The following SCAPER variants were observed in gnomAD, a reference collection of about 807,000 sequenced individuals.
SCAPER encodes S-phase cyclin A associated protein in the ER.
In SCAPER, 98 loss-of-function variants were observed where a neutral mutation model predicts 182.2. That is an observed-to-expected ratio of 0.54 (90% CI 0.46 to 0.64). The LOEUF (loss-of-function observed/expected upper bound fraction) is 0.64. Ranked by LOEUF, SCAPER falls within the 30% of genes least tolerant of loss-of-function variation. SCAPER has a pLI of 0.00. For missense variants in SCAPER, 1,432 were observed against 1,690.0 expected (o/e 0.85, Z 2.68); for synonymous variants, 605 against 564.6 (o/e 1.07, Z -1.01).
At chr15:76,423,954 T>C (rs1207603252) in intron 26 of SCAPER, among the ~76,000 whole-genome samples, 2 of 152,238 alleles carry the variant, frequency 1.3e-5, no homozygotes, top group Admixed American at 6.5e-5. Flanking sequence ...TAATCCTGAG[T>C]TCTAGTTTGA....
chr15:76,634,287 CA>C (rs1021739204), intron 21 of SCAPER, among the ~76,000 whole-genome samples: 2 of 152,188 alleles, frequency 1.3e-5, no homozygotes, highest in African/African-American at 4.8e-5. Context: ...TGCTTTTCCC[CA>C]CTCTCCATGG....
chr15:76,734,121 A>C (rs373865601), intron 15 of SCAPER, among the ~76,000 whole-genome samples: 11 of 152,236 alleles, frequency 7.2e-5, no homozygotes, highest in African/African-American at 2.2e-4. Context: ...AATAAACAAC[A>C]AATTACTTTT....
chr15:76,875,314 GA>G (rs1222648347), intron 2 of SCAPER, among the ~76,000 whole-genome samples: 1 of 152,180 alleles, frequency 6.6e-6, no homozygotes, highest in African/African-American at 2.4e-5. Context: ...TAAGAGAAAA[GA>G]TGTGAAAATC....
At chr15:76,720,393 G>A (rs550631325) in intron 17 of SCAPER, among the ~76,000 whole-genome samples, 3 of 152,252 alleles carry the variant, frequency 2.0e-5, no homozygotes, top group South Asian at 4.2e-4. Context: ...AAACATACAT[G>A]TGAATGTGTC....
At chr15:76,489,196 T>C (rs1429845791) in intron 24 of SCAPER, among the ~76,000 whole-genome samples, 1 of 136,242 alleles carries the variant, frequency 7.3e-6, no homozygotes, top group Non-Finnish European at 1.6e-5. Context: ...GCATGAGAGG[T>C]TGGTGCAAAA....
rs141091706 is a variant in SCAPER, at chr15:76,811,103, A to G, written c.394-6470T>C. On this transcript the variant is annotated intron_variant, in intron 5 of 31. Transcript: ENST00000563290. ...TAGAAGACTGCAATGTCTCACTTTC[A>G]ATAATAGATAGAATTTACAAAAAAA... 3.0e-3 allele frequency among the ~76,000 whole-genome samples: 441 copies of G among 148,652 alleles called. 5 individuals are homozygous for G. The highest frequency in any genetic ancestry group is 0.01 in the African/African-American group (421 of 40,300).
intron 24 of SCAPER, among the ~76,000 whole-genome samples, chr15:76,486,209 AAAAC>A (rs757467084): frequency 9.2e-5 from 14 of 152,106 alleles, no homozygotes; most frequent in Non-Finnish European, 1.6e-4. Flanking sequence ...TCTGTCTCAA[AAAAC>A]AAACAAACAA....
At chr15:76,537,365 C>G (rs1256030351) in intron 23 of SCAPER, among the ~76,000 whole-genome samples, 1 of 152,126 alleles carries the variant, frequency 6.6e-6, no homozygotes, top group Non-Finnish European at 1.5e-5. Flanking sequence ...GGTACCAAAA[C>G]AGAGATACAG....
chr15:76,631,429 G>C (rs559703584), intron 21 of SCAPER, among the ~76,000 whole-genome samples: 1 of 152,158 alleles, frequency 6.6e-6, no homozygotes, highest in Non-Finnish European at 1.5e-5. Flanking sequence ...GGCTGGTAAC[G>C]TTCTTTCCTT....
intron 21 of SCAPER, among the ~76,000 whole-genome samples, chr15:76,626,122 G>A (rs1247027067): frequency 1.3e-5 from 2 of 151,998 alleles, no homozygotes; most frequent in Non-Finnish European, 2.9e-5. Context: ...CTTGCTTTAG[G>A]TGTCTCCTGT....
chr15:76,814,628 T>C (rs3106379), intron 5 of SCAPER, among the ~76,000 whole-genome samples: 147,638 of 152,270 alleles, frequency 0.97, 71,720 homozygotes, highest in South Asian at 1. Flanking sequence ...GCATTAAAGA[T>C]GTAAACATGA....
intron 24 of SCAPER, among the ~76,000 whole-genome samples, chr15:76,487,250 G>A (rs1381348600): frequency 4.0e-5 from 6 of 151,486 alleles, no homozygotes; most frequent in Non-Finnish European, 5.9e-5. Context: ...TTAATACCTG[G>A]GTGATGAAAT....
intron 8 of SCAPER, among the ~76,000 whole-genome samples, chr15:76,780,242 G>A (rs144231837): frequency 1.6e-4 from 25 of 152,372 alleles, no homozygotes; most frequent in African/African-American, 6.0e-4. Context: ...GCCTGGCTCA[G>A]CAGGTCTCAC....
chr15:76,780,144 T>A (rs750795201), intron 8 of SCAPER, among the ~76,000 whole-genome samples: 3 of 152,226 alleles, frequency 2.0e-5, no homozygotes, highest in Non-Finnish European at 4.4e-5. Flanking sequence ...CGTGACAGAC[T>A]GTACCTGGAA....
At chr15:76,481,785 C>T (rs2051163442) in intron 24 of SCAPER, among the ~76,000 whole-genome samples, 1 of 152,214 alleles carries the variant, frequency 6.6e-6, no homozygotes, top group Non-Finnish European at 1.5e-5. Context: ...CAGCACTGTG[C>T]CTCCATGGTT....
At position 76,537,697 on chromosome 15, in the gene SCAPER, C is replaced by T. The variant is rs192100071; in HGVS notation, c.2839-32723G>A. 9.6e-3 allele frequency among the ~76,000 whole-genome samples: 1,463 copies of T among 151,912 alleles called. 18 individuals carry two copies. Among genetic ancestry groups the T allele is most frequent in the Non-Finnish European group, 0.016 (1,101 of 67,874 alleles). On this transcript the variant is annotated intron_variant, in intron 23 of 31. Coordinates refer to ENST00000563290, the MANE Select transcript of SCAPER (RefSeq NM_020843.4). Reference sequence around the variant, plus strand: ...TCTAAAACACCAAAAGCAATGGCAACGAAAGCCAAAATTGACAAATGGGAT... The same window carrying T: ...TCTAAAACACCAAAAGCAATGGCAATGAAAGCCAAAATTGACAAATGGGAT...
intron 29 of SCAPER, among the ~76,000 whole-genome samples, chr15:76,375,215 CAAA>C (rs35499483): frequency 1.8e-5 from 1 of 56,926 alleles, no homozygotes; most frequent in Non-Finnish European, 3.0e-5. Flanking sequence ...AAGAACTTGT[CAAA>C]AAAAAAAAAA....
At chr15:76,646,727 C>T (rs989682613) in intron 21 of SCAPER, among the ~76,000 whole-genome samples, 7 of 152,218 alleles carry the variant, frequency 4.6e-5, no homozygotes, top group African/African-American at 1.7e-4. Flanking sequence ...TTTCAAGCAA[C>T]CACATGTACT....
At chr15:76,366,460 G>C (rs150092209) in intron 29 of SCAPER, among the ~76,000 whole-genome samples, 2 of 152,296 alleles carry the variant, frequency 1.3e-5, no homozygotes, top group East Asian at 3.9e-4. Context: ...AAATATAATA[G>C]TCATCAAATC....
Sources: gnomAD v4.1 joint callset for allele counts (sites outside exome capture counted in the v4.1 genomes callset) on GRCh38, gnomAD v4.1.1 for gene constraint, MANE v1.5 for transcripts, NCBI Gene and HGNC (gene_info 2026-07-23, HGNC 2026-07-21) for gene names.